Variants in USP50 observed in about 807,000 individuals in gnomAD.
The protein encoded by USP50 is ubiquitin specific peptidase 50, also known as ubiquitin carboxyl-terminal hydrolase 50.
USP50 carries 37 observed loss-of-function variants against 39.2 expected under a neutral mutation model. That is an observed-to-expected ratio of 0.94 (90% CI 0.73 to 1.24). The LOEUF is 1.24. Ranked by LOEUF, USP50 falls within the 50% of genes most tolerant of loss-of-function variation. The pLI is 0.00. For missense variants in USP50, 374 were observed against 398.2 expected (o/e 0.94, Z 0.52); for synonymous variants, 139 against 144.5 (o/e 0.96, Z 0.27).
At chr15:50,539,391 G>GTTT (rs55858194) in intron 4 of USP50, among the ~76,000 whole-genome samples, 26,468 of 135,814 alleles carry the variant, frequency 0.19, 2,875 homozygotes, top group East Asian at 0.47. Context: ...TAACTTTTCT[G>GTTT]TTTTTTTTTT....
At chr15:50,512,505 T>G (rs972947634) in intron 6 of USP50, 2 of 150,894 alleles carry the variant, frequency 1.3e-5, no homozygotes, top group African/African-American at 2.4e-5. Flanking sequence ...ACTACTGAAC[T>G]GGCCAGGCAC....
At chr15:50,506,084 G>T (rs2141344644) in intron 6 of USP50, 1 of 152,354 alleles carries the variant, frequency 6.6e-6, no homozygotes, top group African/African-American at 2.4e-5. Context: ...TATGAAAGCT[G>T]TCGTTTTTTA....
Position 50,543,644 on chromosome 15 carries a change from T to G in USP50, c.398A>C (p.Glu133Ala), listed in dbSNP as rs2053046900. Residue 133 changes from glutamate to alanine, a missense_variant, in exon 3 of 7, where the codon GAA becomes GCA. Physicochemically the swap from Glu to Ala is moderately radical, Grantham distance 107. Transcript: ENST00000532404. Reference protein sequence around the residue: ...FTKKMQQDAQEFLICVLNELH... With the variant: ...FTKKMQQDAQAFLICVLNELH... ...TTCATTTAGGACACAAATCAAGAATTCCTGAGCATCTTGTTGCATCTTTTT... is the reference window on the plus strand; with the variant it reads ...TTCATTTAGGACACAAATCAAGAATGCCTGAGCATCTTGTTGCATCTTTTT... 6.2e-7 allele frequency: 1 copy of G among 1,613,636 alleles called. No individual in the cohort carries two copies. Among genetic ancestry groups the G allele is most frequent in the Admixed American group, 1.7e-5 (1 of 59,962 alleles).
At chr15:50,546,036 A>G (rs952731796) in intron 1 of USP50, among the ~76,000 whole-genome samples, 3 of 151,576 alleles carry the variant, frequency 2.0e-5, no homozygotes, top group Admixed American at 6.6e-5. Flanking sequence ...TGAGGGTTCC[A>G]AACGGGACCT....
intron 6 of USP50, chr15:50,501,363 A>G (rs1400575914): frequency 6.6e-6 from 1 of 151,474 alleles, no homozygotes; most frequent in Non-Finnish European, 1.5e-5. Context: ...AGTCCCAGCT[A>G]CTTGGGAAGT....
At position 50,538,804 on chromosome 15, in the gene USP50, GT is replaced by G. The variant is rs1566911352; in HGVS notation, c.707del (p.Asn236ThrfsTer16). 1 of 1,613,554 alleles carries G rather than the reference GT, an allele frequency of 6.2e-7. No individual in the cohort carries two copies. Among genetic ancestry groups the G allele is most frequent in the Admixed American group, 1.7e-5 (1 of 59,976 alleles). On this transcript the variant is annotated frameshift_variant, in exon 5 of 7. Transcript: ENST00000532404. LOFTEE classifies it high-confidence loss of function. ...TTTCACAAAAGGAGCAGTGAATTTC[GT>G]TGTTCCAGGTCAGTGCGTCTTGTTG... ...FFQQDALTWN[N>X]EIHCSFCETK...
At chr15:50,515,658 A>G (rs1021235058) in intron 6 of USP50, among the ~76,000 whole-genome samples, 44 of 150,062 alleles carry the variant, frequency 2.9e-4, no homozygotes, top group African/African-American at 8.7e-4. Flanking sequence ...ATGTGTATAT[A>G]TATATATATA....
chr15:50,513,645 T>C (rs1407170135), intron 6 of USP50: 2 of 149,990 alleles, frequency 1.3e-5, no homozygotes, highest in African/African-American at 4.9e-5. Context: ...GGAAAAAGAA[T>C]AAAAGACTTG....
intron 5 of USP50, among the ~76,000 whole-genome samples, chr15:50,538,273 C>CAAAAAAAAAAAAAAAAAAAAAAAA (rs766139797): frequency 1.2e-4 from 2 of 17,314 alleles, no homozygotes; most frequent in African/African-American, 2.5e-4. Flanking sequence ...GAGACTGTCT[C>CAAAAAAAAAAAAAAAAAAAAAAAA]AAAAAAAAAA....
intron 3 of USP50, among the ~76,000 whole-genome samples, 197 bp from the exon 4 acceptor site, chr15:50,541,461 C>T (rs977719271): frequency 1.8e-4 from 28 of 151,804 alleles, no homozygotes; most frequent in African/African-American, 5.8e-4. Flanking sequence ...TGCAGTGAGC[C>T]GTGTTAGCAC....
chr15:50,501,302 GA>G (rs59352489), intron 6 of USP50: 52,172 of 108,842 alleles, frequency 0.48, 10,568 homozygotes, highest in African/African-American at 0.49. Context: ...TCTTTTAAAG[GA>G]AAAAAAAAAA....
At chr15:50,498,018 T>G (rs1250343677), downstream of USP50, among the ~76,000 whole-genome samples, 1 of 152,236 alleles carries the variant, frequency 6.6e-6, no homozygotes, top group Non-Finnish European at 1.5e-5. Flanking sequence ...TTGAGGATTC[T>G]GGAAGTATAA....
intron 6 of USP50, among the ~76,000 whole-genome samples, chr15:50,517,057 A>G (rs529401553): frequency 2.0e-5 from 3 of 152,370 alleles, no homozygotes; most frequent in South Asian, 2.1e-4. Flanking sequence ...ACTTTAGACC[A>G]AACAGATCTG....
chr15:50,514,266 T>TA (rs1490230005), intron 6 of USP50: 4 of 152,196 alleles, frequency 2.6e-5, no homozygotes, highest in African/African-American at 9.7e-5. Context: ...CGAAGGCAGG[T>TA]ACAAGCACAG....
chr15:50,510,588 GT>G (rs2052722635), intron 6 of USP50: 1 of 152,098 alleles, frequency 6.6e-6, no homozygotes, highest in African/African-American at 2.4e-5. Context: ...GAAGAATGTG[GT>G]TAAGGGATTA....
Position 50,529,925 on chromosome 15 carries a change from C to T in USP50, c.808G>A (p.Asp270Asn). ...TTCCTTTTTGTTGTACCCTGAATGT[C>T]AAACCTGCAGGTATAATAAATGTGT... ...KIIIFHLKRF[D>N]IQGTTKRKLR... The change falls in exon 6 of 7, where the codon GAC becomes AAC. Residue 270 changes from aspartate (D) to asparagine (N), a missense_variant. Transcript: ENST00000532404. 1 of 1,613,772 alleles carries T rather than the reference C, an allele frequency of 6.2e-7. No individual in the cohort carries two copies.
At chr15:50,546,359 A>T (rs891535704) in intron 1 of USP50, 114 bp downstream of exon 1, 34 of 1,109,928 alleles carry the variant, frequency 3.1e-5, no homozygotes, top group Non-Finnish European at 4.6e-5. Context: ...GGGACCTTCC[A>T]TGGGTCACAC....
intron 6 of USP50, among the ~76,000 whole-genome samples, chr15:50,520,090 G>C (rs1473898922): frequency 2.6e-5 from 4 of 151,910 alleles, no homozygotes; most frequent in African/African-American, 4.8e-5. Flanking sequence ...AGGATCACTT[G>C]AGGCCAGTAA....
chr15:50,539,240 C>G (rs1288611495), intron 4 of USP50, among the ~76,000 whole-genome samples: 1 of 151,230 alleles, frequency 6.6e-6, no homozygotes, highest in East Asian at 1.9e-4. Context: ...TCCTGAGGAG[C>G]TGGGATTACA....
Sources: allele counts gnomAD v4.1 joint callset (sites outside exome capture counted in the v4.1 genomes callset), GRCh38; gene constraint gnomAD v4.1.1; transcripts MANE v1.5; gene names NCBI Gene and HGNC (gene_info 2026-07-23, HGNC 2026-07-21).